The following TTF2 variants were observed in gnomAD, a reference collection of about 807,000 sequenced individuals.
The protein encoded by TTF2 is transcription termination factor 2.
TTF2 carries 108 observed loss-of-function variants against 142.4 expected under a neutral mutation model. The ratio of observed to expected loss-of-function variants is 0.76; its 90% CI spans 0.65 to 0.89. TTF2 has a LOEUF of 0.89. Ranked by LOEUF, TTF2 falls within the 40% of genes least tolerant of loss-of-function variation. The pLI is 0.00. For missense variants in TTF2, 1,327 were observed against 1,379.8 expected (o/e 0.96, Z 0.61); for synonymous variants, 483 against 506.2 (o/e 0.95, Z 0.61).
rs768844971 is a variant in TTF2, at chr1:117,084,033, C to T, written c.1919C>T (p.Thr640Ile). 57 of 1,614,064 alleles carry T rather than the reference C, an allele frequency of 3.5e-5. No homozygotes were observed. Among genetic ancestry groups the T allele is most frequent in the Non-Finnish European group, 4.7e-5 (55 of 1,180,034 alleles). ...WLSKDDSCDFTSHGTLIICPA... is the reference protein window; with the variant it reads ...WLSKDDSCDFISHGTLIICPA... Reference sequence around the variant, plus strand: ...CCTTCTCAAGACTCTTGTGACTTTACTTCCCATGGAACACTAATCATCTGT... The same window carrying T: ...CCTTCTCAAGACTCTTGTGACTTTATTTCCCATGGAACACTAATCATCTGT... Residue 640 changes from threonine (T) to isoleucine (I), a missense_variant, in exon 11 of 23, where the codon ACT becomes ATT. Transcript: ENST00000369466.
rs1183260582 is a variant in TTF2, at chr1:117,090,490, AT to A, written c.2497-39del. 1 of 1,577,488 alleles carries A rather than the reference AT, an allele frequency of 6.3e-7. No individual in the cohort carries two copies. Among genetic ancestry groups the A allele is most frequent in the South Asian group, 1.1e-5 (1 of 87,566 alleles). ...GAATTTGTTCTATAATAGGCAGTTA[AT>A]TTGTATAGCTTCATGCCAGCTTTTT... On this transcript the variant is annotated intron_variant, in intron 14 of 22. Transcript: ENST00000369466. This position sits in a 1 kb window ranked among gnomAD's most constrained non-coding sequence, Gnocchi z 4.8.
chr1:117,061,306 A>T lies in TTF2; in HGVS notation c.131+749A>T, dbSNP rs555405099. ...ACTCGTGAGGCTGAGGTGGGAGGAGAGAGTCAGAAATGTTAAGCATCTTCT... is the reference window on the plus strand; with the variant it reads ...ACTCGTGAGGCTGAGGTGGGAGGAGTGAGTCAGAAATGTTAAGCATCTTCT... On this transcript the variant is annotated intron_variant, in intron 2 of 22. Transcript: ENST00000369466. Among the ~76,000 whole-genome samples, 4 of 152,282 alleles carry T rather than the reference A, an allele frequency of 2.6e-5. No homozygotes were observed. The East Asian group carries it at 7.7e-4, about 29-fold the overall frequency.
At chr1:117,081,551 A>G (rs941913478) in intron 9 of TTF2, among the ~76,000 whole-genome samples, 2 of 152,230 alleles carry the variant, frequency 1.3e-5, no homozygotes, top group African/African-American at 2.4e-5. Context: ...GGGTAATAAC[A>G]TAACATAGGG....
chr1:117,084,049 AATC>A lies in TTF2; in HGVS notation c.1939_1941del (p.Ile647del). On this transcript the variant is annotated inframe_deletion, in exon 11 of 23. Coordinates refer to ENST00000369466, the MANE Select transcript of TTF2 (RefSeq NM_003594.4). ...GTGACTTTACTTCCCATGGAACACT[AATC>A]ATCTGTCCTGCCTCCCTGATCCATC... is the stretch of plus-strand genomic sequence containing the variant. The A allele has an allele frequency of 6.2e-7, 1 of 1,614,236 alleles. No homozygotes were observed. Among genetic ancestry groups the A allele is most frequent in the Non-Finnish European group, 8.5e-7 (1 of 1,180,048 alleles).
chr1:117,081,714 G>C, intron 9 of TTF2, 114 bp from the exon 10 acceptor site: 8 of 1,297,638 alleles, frequency 6.2e-6, no homozygotes, highest in Non-Finnish European at 8.4e-6. Context: ...TAGTGACGGA[G>C]TGGCACTGAC....
rs1431513901 is a variant in TTF2, at chr1:117,060,491, G to A, written c.65G>A (p.Gly22Asp). ...FCFLKTGVRD[G>D]PNKGKSFYVC... is the part of the protein sequence containing the mutation. ...TTTCTTAAGACCGGCGTCCGCGATGGCCCGAATAAAGGAAAGAGCTTCTAC... is the reference window on the plus strand; with the variant it reads ...TTTCTTAAGACCGGCGTCCGCGATGACCCGAATAAAGGAAAGAGCTTCTAC... The change falls in exon 2 of 23, where the codon GGC becomes GAC. Residue 22 changes from glycine (G) to aspartate (D), a missense_variant. Coordinates refer to ENST00000369466, the MANE Select transcript of TTF2 (RefSeq NM_003594.4). 6.2e-7 allele frequency: 1 copy of A among 1,613,908 alleles called. No individual in the cohort carries two copies. The highest frequency in any genetic ancestry group is 1.1e-5 in the South Asian group (1 of 91,074).
In TTF2 at chr1:117,086,801, A is replaced by T. The variant is rs1466509193; in HGVS notation, c.2160+279A>T. On this transcript the variant is annotated intron_variant, in intron 12 of 22. Transcript: ENST00000369466. This position sits in a 1 kb window ranked among gnomAD's most constrained non-coding sequence, Gnocchi z 4.2. ...GTGGGGGTAATAATCACCTGAATATATAAAAGCCTTACTTGTTGCTATTTT... is the reference window on the plus strand; with the variant it reads ...GTGGGGGTAATAATCACCTGAATATTTAAAAGCCTTACTTGTTGCTATTTT... 6.6e-6 allele frequency among the ~76,000 whole-genome samples: 1 copy of T among 152,236 alleles called. No individual in the cohort carries two copies. Among genetic ancestry groups the T allele is most frequent in the Non-Finnish European group, 1.5e-5 (1 of 68,036 alleles).
In TTF2 at chr1:117,100,889, C is replaced by T. The variant is rs966490377; in HGVS notation, c.3345-491C>T. On this transcript the variant is annotated intron_variant, in intron 22 of 22. Coordinates refer to ENST00000369466, the MANE Select transcript of TTF2 (RefSeq NM_003594.4). This position sits in a 1 kb window ranked among gnomAD's most constrained non-coding sequence, Gnocchi z 4.6. ...GCAAGACTATATTCATCTCTCCATC[C>T]CCACACCTAGCATAGTGTAGTGAGT... Among the ~76,000 whole-genome samples, 1 of 152,164 alleles carries T rather than the reference C, an allele frequency of 6.6e-6. No homozygotes were observed. Among genetic ancestry groups the T allele is most frequent in the Non-Finnish European group, 1.5e-5 (1 of 68,026 alleles).
At chr1:117,065,749 A>G (rs1029165531) in intron 3 of TTF2, among the ~76,000 whole-genome samples, 1 of 149,092 alleles carries the variant, frequency 6.7e-6, no homozygotes, top group Non-Finnish European at 1.5e-5. Context: ...TTCTGCTGGT[A>G]TAGTAGGGCT....
Position 117,075,499 on chromosome 1 carries a change from G to A in TTF2, c.915G>A (p.Gln305=). 6.2e-7 allele frequency: 1 copy of A among 1,614,154 alleles called. No homozygotes were observed. The highest frequency in any genetic ancestry group is 1.1e-5 in the South Asian group (1 of 91,082). ...AKDGPSIQAT[Q]KSLPQGHFQE... ...ATGGCCCTAGCATACAGGCCACCCA[G>A]AAAAGCCTGCCTCAGGGGCATTTCC... is the stretch of plus-strand genomic sequence containing the variant. Residue 305 remains glutamine, a synonymous_variant, in exon 5 of 23, where the codon CAG becomes CAA. Transcript: ENST00000369466. The surrounding 1 kb of genome is among the most constrained non-coding windows in gnomAD (Gnocchi z 4.5).
rs1334987751 is a variant in TTF2 at position 117,073,679 on chromosome 1, TA to T, written c.238del (p.Arg80GlufsTer43). ...TCATTAGATTGTTCTTCCGATGCAT[TA>T]GAAGTAAGGCAGAGGGGAAACGCTG... ...KEYRLFFRCI[R>X]SKAEGKRWCG... On this transcript the variant is annotated frameshift_variant, in exon 4 of 23. Coordinates refer to ENST00000369466, the MANE Select transcript of TTF2 (RefSeq NM_003594.4). LOFTEE classifies it high-confidence loss of function. This position sits in a 1 kb window ranked among gnomAD's most constrained non-coding sequence, Gnocchi z 4.4. 1.2e-6 allele frequency: 2 copies of T among 1,611,168 alleles called. No homozygotes were observed. Among genetic ancestry groups the T allele is most frequent in the Non-Finnish European group, 1.7e-6 (2 of 1,177,994 alleles).
chr1:117,101,304 A>G lies in TTF2; in HGVS notation c.3345-76A>G. On this transcript the variant is annotated intron_variant, in intron 22 of 22. Coordinates refer to ENST00000369466, the MANE Select transcript of TTF2 (RefSeq NM_003594.4). This position sits in a 1 kb window ranked among gnomAD's most constrained non-coding sequence, Gnocchi z 5.9. Reference sequence around the variant, plus strand: ...ATCTCATTAAAAATGAAAGCATAATAAAAGTTTGAATATATTATTAGATGT... The same window carrying G: ...ATCTCATTAAAAATGAAAGCATAATGAAAGTTTGAATATATTATTAGATGT... 7.1e-7 allele frequency: 1 copy of G among 1,402,676 alleles called. No individual in the cohort carries two copies. The highest frequency in any genetic ancestry group is 9.5e-7 in the Non-Finnish European group (1 of 1,052,008). 86.9% of individuals were successfully genotyped at this position (1,402,676 alleles called of 1,614,324 possible).
rs1649784658 is a variant in TTF2, at chr1:117,104,028, G to A, written c.*2504G>A. On this transcript the variant is annotated 3_prime_UTR_variant, in exon 23 of 23. Coordinates refer to ENST00000369466, the MANE Select transcript of TTF2 (RefSeq NM_003594.4). ...ACTCTGATTTCCTCATTTGTAAGGT[G>A]GGCAGTTTTCAGAACTTAGCAGCAA... is the stretch of plus-strand genomic sequence containing the variant. 1 of 151,988 alleles carries A rather than the reference G, an allele frequency of 6.6e-6. No individual in the cohort carries two copies. Among genetic ancestry groups the A allele is most frequent in the Non-Finnish European group, 1.5e-5 (1 of 68,006 alleles). 9.4% of individuals were successfully genotyped at this position (151,988 alleles called of 1,614,324 possible). A position where few individuals can be genotyped will look rare whatever the true frequency, so the allele number is the denominator to read the frequency against.
chr1:117,062,542 C>G, intron 3 of TTF2, 69 bp downstream of exon 3: 1 of 1,440,330 alleles, frequency 6.9e-7, no homozygotes, highest in Middle Eastern at 1.8e-4. Context: ...AGAGTTGTAG[C>G]CAGGTATGTA....
At position 117,101,466 on chromosome 1, in the gene TTF2, C is replaced by T; in HGVS notation, c.3431C>T (p.Ser1144Phe). The T allele has an allele frequency of 6.2e-7, 1 of 1,609,878 alleles. No individual in the cohort carries two copies. ...TTGGCCAAACAAGTTCTATCAGGGTCTGGAGAATCTGTCACCAAGCTCACC... is the reference window on the plus strand; with the variant it reads ...TTGGCCAAACAAGTTCTATCAGGGTTTGGAGAATCTGTCACCAAGCTCACC... ...KDLAKQVLSG[S>F]GESVTKLTLA... Residue 1144 changes from serine (S) to phenylalanine (F), a missense_variant, in exon 23 of 23, where the codon TCT becomes TTT. Physicochemically the swap from Ser to Phe is radical, Grantham distance 155 (BLOSUM62 -2). Transcript: ENST00000369466. The surrounding 1 kb of genome is among the most constrained non-coding windows in gnomAD (Gnocchi z 5.9).
At chr1:117,071,155 C>A (rs116106934) in intron 3 of TTF2, among the ~76,000 whole-genome samples, 1 of 151,880 alleles carries the variant, frequency 6.6e-6, no homozygotes. Flanking sequence ...AAATAAGGAG[C>A]TGCACCACAG....
At chr1:117,061,620 C>T (rs1450913408) in intron 2 of TTF2, among the ~76,000 whole-genome samples, 2 of 152,150 alleles carry the variant, frequency 1.3e-5, no homozygotes, top group Non-Finnish European at 2.9e-5. Context: ...GTACCCAGGT[C>T]AAGTTTTGTG....
Position 117,070,109 on chromosome 1 carries a change from A to G in TTF2, c.219-3552A>G, listed in dbSNP as rs1656459270. Among the ~76,000 whole-genome samples, 1 of 152,236 alleles carries G rather than the reference A, an allele frequency of 6.6e-6. No homozygotes were observed. Among genetic ancestry groups the G allele is most frequent in the African/African-American group, 2.4e-5 (1 of 41,460 alleles). On this transcript the variant is annotated intron_variant, in intron 3 of 22. Transcript: ENST00000369466. This position sits in a 1 kb window ranked among gnomAD's most constrained non-coding sequence, Gnocchi z 4.2. ...TTTAATTAAAAATGTAAGGGAAAGC[A>G]TTTTTAGCACTGTGCCTAGCACATA...
chr1:117,069,062 A>G (rs1435362171), intron 3 of TTF2, among the ~76,000 whole-genome samples: 2 of 152,208 alleles, frequency 1.3e-5, no homozygotes, highest in Non-Finnish European at 2.9e-5. Context: ...TAGGACTACA[A>G]GAATATTCAT....
Sources: allele counts gnomAD v4.1 joint callset (sites outside exome capture counted in the v4.1 genomes callset), GRCh38; gene constraint gnomAD v4.1.1; non-coding constraint Gnocchi (gnomAD v3.1); transcripts MANE v1.5; gene names NCBI Gene and HGNC (gene_info 2026-07-23, HGNC 2026-07-21).